Variants in CHADL observed in about 807,000 individuals in gnomAD.
CHADL encodes the protein chondroadherin like.
Under a neutral mutation model 52.1 loss-of-function variants are expected in CHADL, and 48 were observed. That is an observed-to-expected ratio of 0.92 (90% CI 0.73 to 1.17). CHADL has a LOEUF of 1.17. CHADL is among the 50% of genes most tolerant of loss of function. The pLI, the probability that CHADL is intolerant of heterozygous loss-of-function variation, is 0.00. For missense variants in CHADL, 977 were observed against 1,035.1 expected, an observed-to-expected ratio of 0.94 and a Z score of 0.77; for synonymous variants, 498 against 511.2, an observed-to-expected ratio of 0.97 and a Z score of 0.35.
Position 41,238,612 on chromosome 22 carries a change from A to G in CHADL, c.460T>C (p.Phe154Leu). 1 of 1,544,572 alleles carries G rather than the reference A, an allele frequency of 6.5e-7. No homozygotes were observed. Among genetic ancestry groups the G allele is most frequent in the Non-Finnish European group, 8.7e-7 (1 of 1,146,470 alleles). The change falls in exon 3 of 6, where the codon TTC becomes CTC. Residue 154 changes from phenylalanine to leucine, a missense_variant. By Grantham distance (22) the Phe-to-Leu change is conservative. Transcript: ENST00000216241. The surrounding 1 kb of genome is among the most constrained non-coding windows in gnomAD (Gnocchi z 4.9). ...NALEELRPGT[F>L]GALGALATLN... The stretch of plus-strand genomic sequence containing the variant: ...GTGGCCAGCGCACCCAGTGCCCCGA[A>G]CGTCCCCGGCCGCAGCTCCTCCAGT...
rs769398487 is a variant in CHADL at position 41,229,711 on chromosome 22, C to A, written c.2282G>T (p.Arg761Leu). The A allele has an allele frequency of 1.2e-6, 2 of 1,612,358 alleles. No individual in the cohort carries two copies. The highest frequency in any genetic ancestry group is 8.5e-7 in the Non-Finnish European group (1 of 1,179,926). The part of the protein sequence containing the change: ...GADKVGKEKG[R>L]L The stretch of plus-strand genomic sequence containing the variant: ...GACCAGCCTGCTCCGTGCTCAGAGA[C>A]GACCCTTCTCCTTCCCCACCTGGGC... Residue 761 changes from arginine to leucine, a missense_variant, in exon 6 of 6, where the codon CGT (arginine) becomes CTT (leucine). Arg to Leu is a moderately radical substitution (Grantham distance 102, BLOSUM62 -2). Coordinates refer to ENST00000216241, the MANE Select transcript of CHADL (RefSeq NM_138481.2).
At chr22:41,235,825 C>T (rs141819535) in intron 4 of CHADL, among the ~76,000 whole-genome samples, 1 of 152,208 alleles carries the variant, frequency 6.6e-6, no homozygotes, top group East Asian at 1.9e-4. Flanking sequence ...GGTAAAATAC[C>T]AGAGCCAGGA....
At chr22:41,236,360 G>A in intron 4 of CHADL, 124 bp downstream of exon 4, 3 of 836,688 alleles carry the variant, frequency 3.6e-6, no homozygotes, top group Non-Finnish European at 5.6e-6. Flanking sequence ...GGCTCTCACA[G>A]GACCCGCCCC....
chr22:41,230,656 G>A (rs2032539364), intron 5 of CHADL: 2 of 200,968 alleles, frequency 1.0e-5, no homozygotes, highest in East Asian at 1.5e-4. Flanking sequence ...CTGCCTGAAC[G>A]AGCCATGTAA....
In CHADL at chr22:41,233,188, G is replaced by A. The variant is rs556952378; in HGVS notation, c.2262+1957C>T. On this transcript the variant is annotated intron_variant, in intron 5 of 5. Coordinates refer to ENST00000216241, the MANE Select transcript of CHADL (RefSeq NM_138481.2). ...ATAAAAAGGGGAAATTTGGCTGGGC[G>A]CAGTGGCTCACACCTGTAATCCCAG... Among the ~76,000 whole-genome samples, 20 of 152,242 alleles carry A rather than the reference G, an allele frequency of 1.3e-4. 1 individual carries two copies. In the South Asian group the frequency reaches 3.5e-3, roughly 27 times the overall value.
Position 41,229,552 on chromosome 22 carries a change from C to T in CHADL, c.*152G>A, listed in dbSNP as rs753249849. ...TTTTTATTCAAAGGGAAAAGAATCC[C>T]GCCCACTAAGACGCGACCCCTCAGA... On this transcript the variant is annotated 3_prime_UTR_variant, in exon 6 of 6. Transcript: ENST00000216241. 1.4e-5 allele frequency: 23 copies of T among 1,610,634 alleles called. No individual in the cohort carries two copies. Among genetic ancestry groups the T allele is most frequent in the Non-Finnish European group, 1.9e-5 (22 of 1,177,388 alleles).
chr22:41,240,678 G>T, intron 1 of CHADL, 196 bp downstream of exon 1: 1 of 608,812 alleles, frequency 1.6e-6, no homozygotes, highest in Non-Finnish European at 2.9e-6. Flanking sequence ...AAGCCCCAGA[G>T]GACCAGTTCC....
Position 41,235,258 on chromosome 22 carries a change from C to T in CHADL, c.2149G>A (p.Ala717Thr). 6.4e-7 allele frequency: 1 copy of T among 1,551,322 alleles called. No individual in the cohort carries two copies. Among genetic ancestry groups the T allele is most frequent in the South Asian group, 1.2e-5 (1 of 84,064 alleles). ...ARGQRVKAAA[A>T]VFEDCPGWAA... ...CAGCCCGGGCAGTCTTCAAAGACAG[C>T]AGCTGCAGCCTTCACCCTCTGGCCA... Residue 717 changes from alanine to threonine, a missense_variant, in exon 5 of 6, where the codon GCT (alanine) becomes ACT (threonine). Transcript: ENST00000216241.
At position 41,237,568 on chromosome 22, in the gene CHADL, G is replaced by A. The variant is rs1325805112; in HGVS notation, c.1504C>T (p.Leu502=). Residue 502 remains leucine (L), a synonymous_variant, in exon 3 of 6, where the codon CTG becomes TTG. Coordinates refer to ENST00000216241, the MANE Select transcript of CHADL (RefSeq NM_138481.2). ...AGGAAACGGTTGCGTTCTAGGTACA[G>A]GTAGCCGAGGCGGGGAGCCCCTTCA... is the stretch of plus-strand genomic sequence containing the variant. ...ALEGAPRLGY[L]YLERNRFLQV... 1.3e-6 allele frequency: 2 copies of A among 1,550,516 alleles called. No individual in the cohort carries two copies. Among genetic ancestry groups the A allele is most frequent in the South Asian group, 2.4e-5 (2 of 84,066 alleles).
Position 41,235,200 on chromosome 22 carries a change from G to A in CHADL, c.2207C>T (p.Ser736Phe). Residue 736 changes from serine to phenylalanine, a missense_variant, in exon 5 of 6, where the codon TCC becomes TTC. By Grantham distance (155) the Ser-to-Phe change is radical. Transcript: ENST00000216241. ...AARKAKRTPASRPSARRTPIK... is the reference protein window; with the variant it reads ...AARKAKRTPAFRPSARRTPIK... ...GGGGGTTCTCCTGGCACTGGGCCTG[G>A]AGGCTGGTGTCCGCTTGGCCTTTCT... 6.4e-7 allele frequency: 1 copy of A among 1,551,572 alleles called. No homozygotes were observed. Among genetic ancestry groups the A allele is most frequent in the African/African-American group, 1.4e-5 (1 of 73,188 alleles).
At chr22:41,231,829 G>T (rs1021175019) in intron 5 of CHADL, among the ~76,000 whole-genome samples, 3 of 151,188 alleles carry the variant, frequency 2.0e-5, no homozygotes, top group Non-Finnish European at 4.4e-5. Flanking sequence ...TCAGGAACCT[G>T]CCCTGCCTCC....
chr22:41,238,410 A>G lies in CHADL; in HGVS notation c.662T>C (p.Leu221Pro). 6.6e-7 allele frequency: 1 copy of G among 1,516,872 alleles called. No individual in the cohort carries two copies. Among genetic ancestry groups the G allele is most frequent in the Non-Finnish European group, 8.8e-7 (1 of 1,135,606 alleles). 94.0% of individuals were successfully genotyped at this position (1,516,872 alleles called of 1,614,324 possible). Residue 221 changes from leucine to proline, a missense_variant, in exon 3 of 6, where the codon CTG (leucine) becomes CCG (proline). Coordinates refer to ENST00000216241, the MANE Select transcript of CHADL (RefSeq NM_138481.2). The surrounding 1 kb of genome is among the most constrained non-coding windows in gnomAD (Gnocchi z 4.9). ...LSLHHNELQA[L>P]PGPVLSQARG... ...GGCCTGGGACAAGACAGGCCCGGGC[A>G]GAGCCTGGAGCTCGTTGTGGTGTAG...
intron 2 of CHADL, 27 bp downstream of exon 2, chr22:41,239,416 C>A: frequency 1.3e-6 from 2 of 1,546,898 alleles, no homozygotes; most frequent in Middle Eastern, 1.7e-4. Flanking sequence ...CACTGCCACT[C>A]TGTGCCTGTG....
At chr22:41,231,467 A>G (rs2032584806) in intron 5 of CHADL, among the ~76,000 whole-genome samples, 1 of 128,658 alleles carries the variant, frequency 7.8e-6, no homozygotes, top group African/African-American at 2.9e-5. Context: ...ATTCTCCCCA[A>G]AGACTGTGAG....
At chr22:41,230,684 C>T (rs2145625488) in intron 5 of CHADL, 1 of 174,194 alleles carries the variant, frequency 5.7e-6, no homozygotes, top group East Asian at 1.8e-4. Flanking sequence ...TCTAGAGCAG[C>T]TCTCTGAGCA....
chr22:41,230,043 A>G lies in CHADL; in HGVS notation c.2263-313T>C, dbSNP rs575125163. The G allele has an allele frequency of 1.0e-5, 9 of 878,118 alleles. No homozygotes were observed. In the East Asian group the frequency reaches 2.0e-4, roughly 20 times the overall value. The allele number at this position is 878,118 out of a possible 1,614,324, so 54.4% of individuals were successfully genotyped here. A position where few individuals can be genotyped will look rare whatever the true frequency, so the allele number is the denominator to read the frequency against. On this transcript the variant is annotated intron_variant, in intron 5 of 5. Transcript: ENST00000216241. ...GGGTGAAGGTGCATCCTAGGCCCCC[A>G]TCTGTAGGGAGCCAGGTCCCTTTCC...
At chr22:41,232,158 C>T (rs2032618056) in intron 5 of CHADL, among the ~76,000 whole-genome samples, 2 of 152,026 alleles carry the variant, frequency 1.3e-5, no homozygotes, top group East Asian at 3.9e-4. Context: ...CGATGAAACC[C>T]TGTCTCTACT....
At chr22:41,234,395 A>ATTATTATTATT (rs1376614792) in intron 5 of CHADL, among the ~76,000 whole-genome samples, 123 of 149,002 alleles carry the variant, frequency 8.3e-4, no homozygotes, top group African/African-American at 3.0e-3. Flanking sequence ...TATTATTATT[A>ATTATTATTATT]TTATTGAGAC....
chr22:41,238,337 C>T lies in CHADL; in HGVS notation c.735G>A (p.Ala245=), dbSNP rs1223488240. ...LELGHNPLTY[A]GEEDGLALPG... The stretch of plus-strand genomic sequence containing the variant: ...GCAGCGCCAGCCCGTCCTCCTCGCC[C>T]GCGTAGGTGAGCGGGTTGTGGCCCA... The change falls in exon 3 of 6, where the codon GCG becomes GCA. Residue 245 remains alanine (A), a synonymous_variant. Transcript: ENST00000216241. The surrounding 1 kb of genome is among the most constrained non-coding windows in gnomAD (Gnocchi z 4.9). 3 of 1,514,684 alleles carry T rather than the reference C, an allele frequency of 2.0e-6. No homozygotes were observed. Among genetic ancestry groups the T allele is most frequent in the African/African-American group, 2.8e-5 (2 of 71,764 alleles). 93.8% of individuals were successfully genotyped at this position (1,514,684 alleles called of 1,614,324 possible). A position where few individuals can be genotyped will look rare whatever the true frequency, so the allele number is the denominator to read the frequency against.
Sources: allele counts gnomAD v4.1 joint callset (sites outside exome capture counted in the v4.1 genomes callset), GRCh38; gene constraint gnomAD v4.1.1; non-coding constraint Gnocchi (gnomAD v3.1); transcripts MANE v1.5; gene names NCBI Gene and HGNC (gene_info 2026-07-23, HGNC 2026-07-21).